SORBS3: variants seen among roughly 807,000 people sequenced by gnomAD.
SORBS3 encodes vinexin.
A neutral mutation model predicts 98.0 loss-of-function variants in SORBS3; 69 were observed. That is an observed-to-expected ratio of 0.70 (90% confidence interval 0.58 to 0.86). The LOEUF (loss-of-function observed/expected upper bound fraction) is 0.86. Among genes scored for constraint, SORBS3 ranks in the 40% least tolerant of loss-of-function variants. The probability of loss-of-function intolerance (pLI) is 0.00; values close to 1 mark genes in which losing one functional copy is unlikely to be tolerated. For synonymous variants in SORBS3, 394 were observed against 355.4 expected (o/e 1.11, Z -1.22); for missense variants, 954 against 908.5 (o/e 1.05, Z -0.64).
intron 17 of SORBS3, among the ~76,000 whole-genome samples, chr8:22,570,635 G>C (rs1840549051): frequency 6.6e-6 from 1 of 152,172 alleles, no homozygotes; most frequent in Non-Finnish European, 1.5e-5. Flanking sequence ...TCGGAGCTCT[G>C]GGGAGGGACC....
intron 4 of SORBS3, among the ~76,000 whole-genome samples, chr8:22,557,874 T>C (rs569122862): frequency 6.6e-6 from 1 of 152,208 alleles, no homozygotes; most frequent in Non-Finnish European, 1.5e-5. Flanking sequence ...AGAGAAAAAA[T>C]GTAAATTGCC....
intron 7 of SORBS3, among the ~76,000 whole-genome samples, chr8:22,563,044 A>G (rs1252977164): frequency 1.3e-5 from 2 of 152,016 alleles, no homozygotes; most frequent in Non-Finnish European, 2.9e-5. Flanking sequence ...GCATGAACCC[A>G]GGAGGCGGAG....
Position 22,574,938 on chromosome 8 carries a change from C to A in SORBS3, c.*210C>A. 1.5e-6 allele frequency: 1 copy of A among 688,568 alleles called. No individual in the cohort carries two copies. The highest frequency in any genetic ancestry group is 2.7e-6 in the Non-Finnish European group (1 of 376,370). 42.7% of individuals were successfully genotyped at this position (688,568 alleles called of 1,614,324 possible). ...ACTCACAGGCATTCCTCCCACAGCCCTTTCATTTCCTCCCCACCCCACTCC... is the reference window on the plus strand; with the variant it reads ...ACTCACAGGCATTCCTCCCACAGCCATTTCATTTCCTCCCCACCCCACTCC... On this transcript the variant is annotated 3_prime_UTR_variant, in exon 21 of 21. Coordinates refer to ENST00000240123, the MANE Select transcript of SORBS3 (RefSeq NM_005775.5).
At position 22,571,274 on chromosome 8, in the gene SORBS3, C is replaced by G; in HGVS notation, c.1743+53C>G. On this transcript the variant is annotated intron_variant, in intron 18 of 20. Transcript: ENST00000240123. Reference sequence around the variant, plus strand: ...TCGACCTCCTCCTCACCCCTCATCCCCCACCCCCGTGACTTGTCCACACTT... The same window carrying G: ...TCGACCTCCTCCTCACCCCTCATCCGCCACCCCCGTGACTTGTCCACACTT... 4.7e-6 allele frequency: 5 copies of G among 1,065,494 alleles called. No individual in the cohort carries two copies. In the Middle Eastern group the frequency reaches 6.5e-4, roughly 138 times the overall value. The allele number at this position is 1,065,494 out of a possible 1,614,324, so 66.0% of individuals were successfully genotyped here.
chr8:22,572,582 G>A (rs1840618896), intron 20 of SORBS3, 136 bp downstream of exon 20: 1 of 710,274 alleles, frequency 1.4e-6, no homozygotes, highest in Admixed American at 2.2e-5. Context: ...GGCTACTGGG[G>A]GGGCCTGGCA....
At position 22,566,674 on chromosome 8, in the gene SORBS3, T is replaced by C. The variant is rs1369199730; in HGVS notation, c.1104T>C (p.Ser368=). The C allele has an allele frequency of 1.2e-6, 2 of 1,608,626 alleles. No individual in the cohort carries two copies. Among genetic ancestry groups the C allele is most frequent in the Admixed American group, 3.4e-5 (2 of 57,978 alleles). The change falls in exon 14 of 21, where the codon TCT becomes TCC. Residue 368 remains serine (S), a synonymous_variant. Transcript: ENST00000240123. ...GCTTCTCCACAGACCCTAGTGCCTC[T>C]AACGGAGGGGGCAGCCCAGCCAGGA... ...YPSSTRDPSA[S]NGGGSPARRE...
chr8:22,569,047 TA>T (rs1840497690), intron 16 of SORBS3, 100 bp from the exon 17 acceptor site: 1 of 1,292,042 alleles, frequency 7.7e-7, no homozygotes, highest in Non-Finnish European at 1.0e-6. Flanking sequence ...TTTCTCTGCC[TA>T]GGGGCGGGCC....
intron 5 of SORBS3, 32 bp from the exon 6 acceptor site, chr8:22,561,303 G>T: frequency 1.3e-6 from 2 of 1,561,568 alleles, no homozygotes; most frequent in Non-Finnish European, 8.7e-7. Flanking sequence ...TTTCTGCCCC[G>T]TCCCATGACC....
At chr8:22,557,953 G>A (rs1035518308) in intron 4 of SORBS3, among the ~76,000 whole-genome samples, 176 bp from the exon 5 acceptor site, 4 of 152,196 alleles carry the variant, frequency 2.6e-5, no homozygotes, top group Admixed American at 1.3e-4. Flanking sequence ...ACTTATATAG[G>A]ACGTGTTACA....
chr8:22,559,012 G>A (rs752678594), intron 5 of SORBS3, among the ~76,000 whole-genome samples: 21 of 152,234 alleles, frequency 1.4e-4, no homozygotes, highest in Non-Finnish European at 2.5e-4. Context: ...GTGGGGCCTT[G>A]TGGGCCATTA....
chr8:22,555,686 A>C (rs951894065), intron 3 of SORBS3, among the ~76,000 whole-genome samples: 2 of 152,112 alleles, frequency 1.3e-5, no homozygotes, highest in Non-Finnish European at 2.9e-5. Context: ...CCCCATCTCT[A>C]ATAAAAATAC....
intron 10 of SORBS3, 117 bp from the exon 11 acceptor site, chr8:22,565,151 G>A (rs1241986482): frequency 6.7e-7 from 1 of 1,484,628 alleles, no homozygotes; most frequent in African/African-American, 1.4e-5. Context: ...GTGCGCTGAG[G>A]CCTGCCCTTA....
chr8:22,556,467 A>G (rs1840184327), intron 3 of SORBS3, among the ~76,000 whole-genome samples: 1 of 152,206 alleles, frequency 6.6e-6, no homozygotes, highest in Non-Finnish European at 1.5e-5. Flanking sequence ...TTATTCTGAA[A>G]GCACTTAGGA....
chr8:22,567,110 G>A lies in SORBS3; in HGVS notation c.1240G>A (p.Asp414Asn). 1 of 1,613,636 alleles carries A rather than the reference G, an allele frequency of 6.2e-7. No individual in the cohort carries two copies. Among genetic ancestry groups the A allele is most frequent in the Non-Finnish European group, 8.5e-7 (1 of 1,179,858 alleles). The change falls in exon 16 of 21, where the codon GAC (aspartate) becomes AAC (asparagine). Residue 414 changes from aspartate to asparagine, a missense_variant. Asp to Asn is a conservative substitution (Grantham distance 23, BLOSUM62 1). Coordinates refer to ENST00000240123, the MANE Select transcript of SORBS3 (RefSeq NM_005775.5). ...CATTGTCTACATCCACAAGGAGGTGGACAAGAACTGGCTGGAGGGAGAGCA... is the reference window on the plus strand; with the variant it reads ...CATTGTCTACATCCACAAGGAGGTGAACAAGAACTGGCTGGAGGGAGAGCA... ...GDIVYIHKEV[D>N]KNWLEGEHHG...
Position 22,554,683 on chromosome 8 carries a change from C to A in SORBS3, c.102+75C>A, listed in dbSNP as rs566046149. On this transcript the variant is annotated intron_variant, in intron 2 of 20. Transcript: ENST00000240123. This position sits in a 1 kb window ranked among gnomAD's most constrained non-coding sequence, Gnocchi z 6.5. ...GGGACGCTAGCAGGTCAGGTGGGGG[C>A]AGGAGGATGAAAGGGATGGAGGGAG... 2.8e-5 allele frequency: 42 copies of A among 1,486,100 alleles called. No individual in the cohort carries two copies. The African/African-American group carries it at 5.7e-4, about 20-fold the overall frequency. 92.1% of individuals were successfully genotyped at this position (1,486,100 alleles called of 1,614,324 possible).
intron 17 of SORBS3, among the ~76,000 whole-genome samples, chr8:22,569,721 T>C (rs1287113988): frequency 6.6e-6 from 1 of 152,190 alleles, no homozygotes; most frequent in Non-Finnish European, 1.5e-5. Context: ...TTCATTATGC[T>C]TCCTTTAGTG....
At position 22,554,760 on chromosome 8, in the gene SORBS3, C is replaced by A. The variant is rs752991228; in HGVS notation, c.103-103C>A. The A allele has an allele frequency of 1.6e-5, 22 of 1,370,868 alleles. No individual in the cohort carries two copies. The highest frequency in any genetic ancestry group is 2.0e-5 in the Admixed American group (1 of 49,056). The allele number at this position is 1,370,868 out of a possible 1,614,324, so 84.9% of individuals were successfully genotyped here. On this transcript the variant is annotated intron_variant, in intron 2 of 20. Transcript: ENST00000240123. The surrounding 1 kb of genome is among the most constrained non-coding windows in gnomAD (Gnocchi z 6.5). ...GCTGGTTTCCCACAAAATCGTCAGG[C>A]GGGCCTGGGACTGTCACCGAGGGGT...
chr8:22,546,736 C>G (rs1053014781), intron 1 of SORBS3, among the ~76,000 whole-genome samples: 5 of 152,182 alleles, frequency 3.3e-5, no homozygotes, highest in Admixed American at 3.3e-4. Context: ...CTTGGAGAAG[C>G]CAAGGCAGCC....
At chr8:22,572,506 G>C (rs1211055682) in intron 20 of SORBS3, 60 bp downstream of exon 20, 5 of 1,310,346 alleles carry the variant, frequency 3.8e-6, no homozygotes, top group Non-Finnish European at 5.5e-6. Context: ...GTGGGGTGCT[G>C]TTGCCTGCCA....
Sources: allele counts gnomAD v4.1 joint callset (sites outside exome capture counted in the v4.1 genomes callset), GRCh38; gene constraint gnomAD v4.1.1; non-coding constraint Gnocchi (gnomAD v3.1); transcripts MANE v1.5; gene names NCBI Gene and HGNC (gene_info 2026-07-23, HGNC 2026-07-21).